Variants in ARNT2 observed in about 807,000 individuals in gnomAD.
ARNT2 encodes ARNT protein 2.
A neutral mutation model predicts 91.7 loss-of-function variants in ARNT2; 36 were observed. The observed-to-expected ratio is 0.39, with a 90% CI of 0.30 to 0.52. ARNT2 has a LOEUF of 0.52. Ranked by LOEUF, ARNT2 falls within the 20% of genes least tolerant of loss-of-function variation. ARNT2 has a pLI of 0.72. For missense variants in ARNT2, 775 were observed against 939.3 expected (o/e 0.83, Z 2.29); for synonymous variants, 365 against 347.1 (o/e 1.05, Z -0.57).
At chr15:80,487,137 C>A (rs2141408395) in intron 5 of ARNT2, among the ~76,000 whole-genome samples, 1 of 152,306 alleles carries the variant, frequency 6.6e-6, no homozygotes, top group African/African-American at 2.4e-5. Context: ...CTCCAGGCTG[C>A]CCCTTGCTGT....
rs144317792 is a variant in ARNT2 at position 80,502,066 on chromosome 15, A to G, written c.623-6090A>G. ...GCAACTTGAGCCCAAGTGCTCTAACAACTGGGTCCCTGAGCCACAGGGAAG... is the reference window on the plus strand; with the variant it reads ...GCAACTTGAGCCCAAGTGCTCTAACGACTGGGTCCCTGAGCCACAGGGAAG... On this transcript the variant is annotated intron_variant, in intron 5 of 18. Coordinates refer to ENST00000303329, the MANE Select transcript of ARNT2 (RefSeq NM_014862.4). Among the ~76,000 whole-genome samples, 657 of 152,304 alleles carry G rather than the reference A, an allele frequency of 4.3e-3. 6 individuals are homozygous for G. Among genetic ancestry groups the G allele is most frequent in the African/African-American group, 0.015 (637 of 41,562 alleles).
intron 6 of ARNT2, 128 bp from the exon 7 acceptor site, chr15:80,513,783 T>C: frequency 1.5e-6 from 1 of 669,274 alleles, no homozygotes; most frequent in Non-Finnish European, 2.5e-6. Context: ...TTGAAGAAAA[T>C]TGGCTATAGG....
intron 3 of ARNT2, among the ~76,000 whole-genome samples, chr15:80,461,317 G>A (rs1238054574): frequency 6.6e-6 from 1 of 152,206 alleles, no homozygotes; most frequent in African/African-American, 2.4e-5. Flanking sequence ...TGGAAGGACA[G>A]GAGTCGAGGT....
At chr15:80,537,722 C>T (rs956515305) in intron 8 of ARNT2, among the ~76,000 whole-genome samples, 1 of 152,190 alleles carries the variant, frequency 6.6e-6, no homozygotes, top group African/African-American at 2.4e-5. Flanking sequence ...GTTGAAGTCC[C>T]AACCTCCAGT....
At position 80,493,445 on chromosome 15, in the gene ARNT2, C is replaced by T. The variant is rs565209592; in HGVS notation, c.623-14711C>T. ...CGAGGCAGCCCTGTACCTTGGTCAC[C>T]ATTACCTGAAGTTAGTAGGGCCATG... On this transcript the variant is annotated intron_variant, in intron 5 of 18. Transcript: ENST00000303329. 3.3e-3 allele frequency among the ~76,000 whole-genome samples: 498 copies of T among 152,292 alleles called. 1 individual carries two copies. The highest frequency in any genetic ancestry group is 6.1e-3 in the Non-Finnish European group (418 of 68,032).
chr15:80,409,716 A>AT (rs1386974902), intron 1 of ARNT2, among the ~76,000 whole-genome samples: 4 of 152,246 alleles, frequency 2.6e-5, no homozygotes, highest in African/African-American at 9.6e-5. Flanking sequence ...TGAAGAAATG[A>AT]TCCCCTGAGA....
At chr15:80,581,096 T>C (rs1458473263) in intron 16 of ARNT2, 143 bp from the exon 17 acceptor site, 1 of 1,010,568 alleles carries the variant, frequency 9.9e-7, no homozygotes, top group East Asian at 2.5e-5. Context: ...ATCCCAGGCC[T>C]GTGCCTAGCC....
intron 5 of ARNT2, among the ~76,000 whole-genome samples, chr15:80,504,263 G>A (rs1034576690): frequency 1.6e-4 from 24 of 152,218 alleles, no homozygotes; most frequent in Admixed American, 5.9e-4. Context: ...TGTTGTCTCA[G>A]TGTAACAATC....
At chr15:80,458,210 A>C (rs2141385622) in intron 3 of ARNT2, among the ~76,000 whole-genome samples, 1 of 152,296 alleles carries the variant, frequency 6.6e-6, no homozygotes, top group East Asian at 1.9e-4. Context: ...TGTTTGCTTT[A>C]TAAGAAATTA....
At chr15:80,469,411 A>G (rs1297671902) in intron 3 of ARNT2, among the ~76,000 whole-genome samples, 1 of 152,042 alleles carries the variant, frequency 6.6e-6, no homozygotes, top group Non-Finnish European at 1.5e-5. Flanking sequence ...ACTTTAAAGT[A>G]AATTTGTAGC....
chr15:80,578,143 C>T (rs560610706), intron 15 of ARNT2, among the ~76,000 whole-genome samples: 2 of 152,308 alleles, frequency 1.3e-5, no homozygotes, highest in East Asian at 3.9e-4. Flanking sequence ...GTGACACTTG[C>T]TGCTTGTCCT....
intron 1 of ARNT2, among the ~76,000 whole-genome samples, chr15:80,409,676 T>C (rs1895653832): frequency 6.6e-6 from 1 of 152,048 alleles, no homozygotes; most frequent in Non-Finnish European, 1.5e-5. Flanking sequence ...AGTAACACAA[T>C]TGGGTTAGTT....
chr15:80,583,170 G>A (rs1194482380), intron 17 of ARNT2, among the ~76,000 whole-genome samples: 3 of 152,358 alleles, frequency 2.0e-5, no homozygotes, highest in Admixed American at 6.5e-5. Flanking sequence ...CTGCAGGTGC[G>A]GCAGCCATGG....
rs926595113 is a variant in ARNT2, at chr15:80,507,388, G to A, written c.623-768G>A. On this transcript the variant is annotated intron_variant, in intron 5 of 18. Coordinates refer to ENST00000303329, the MANE Select transcript of ARNT2 (RefSeq NM_014862.4). ...AGGCGGTGAGGGAGAGGAGGGACTC[G>A]GGGATAATGTCTGGTTTCTGACTTA... Among the ~76,000 whole-genome samples the A allele has an allele frequency of 3.3e-5, 5 of 152,130 alleles. No individual in the cohort carries two copies. In the South Asian group the frequency reaches 6.2e-4, roughly 19 times the overall value.
At chr15:80,563,036 G>C (rs377428762) in intron 11 of ARNT2, 52 bp from the exon 12 acceptor site, 2 of 1,607,580 alleles carry the variant, frequency 1.2e-6, no homozygotes, top group South Asian at 1.1e-5. Flanking sequence ...CCCTCCTCCC[G>C]TTTGGCACCA....
At chr15:80,474,916 G>C in intron 4 of ARNT2, 94 bp from the exon 5 acceptor site, 1 of 1,256,136 alleles carries the variant, frequency 8.0e-7, no homozygotes, top group Non-Finnish European at 1.1e-6. Context: ...TAAATATGCA[G>C]ATAAAGGAAA....
chr15:80,548,816 A>G (rs1898032552), intron 8 of ARNT2, among the ~76,000 whole-genome samples: 1 of 152,154 alleles, frequency 6.6e-6, no homozygotes, highest in African/African-American at 2.4e-5. Context: ...TTGTAACTTC[A>G]GGAGATGTCA....
chr15:80,437,317 T>C (rs1896102994), intron 1 of ARNT2, among the ~76,000 whole-genome samples: 1 of 152,212 alleles, frequency 6.6e-6, no homozygotes, highest in Non-Finnish European at 1.5e-5. Context: ...AACTCATCTT[T>C]TAATATTTTC....
chr15:80,455,710 C>G (rs554772622), intron 2 of ARNT2, among the ~76,000 whole-genome samples: 1 of 152,018 alleles, frequency 6.6e-6, no homozygotes, highest in Non-Finnish European at 1.5e-5. Context: ...CTAAACACCC[C>G]GAAGATCATG....
Sources: gnomAD v4.1 joint callset for allele counts (sites outside exome capture counted in the v4.1 genomes callset) on GRCh38, gnomAD v4.1.1 for gene constraint, MANE v1.5 for transcripts, NCBI Gene and HGNC (gene_info 2026-07-23, HGNC 2026-07-21) for gene names.